Variants in MAPK10 observed in about 807,000 individuals in gnomAD.
The protein encoded by MAPK10 is mitogen-activated protein kinase 10.
Under a neutral mutation model 59.3 loss-of-function variants are expected in MAPK10, and 25 were observed. The ratio of observed to expected loss-of-function variants is 0.42; its 90% confidence interval spans 0.31 to 0.59. The LOEUF (loss-of-function observed/expected upper bound fraction) is 0.59. MAPK10 is among the 20% of genes least tolerant of loss of function. The pLI, the probability that MAPK10 is intolerant of heterozygous loss-of-function variation, is 0.15. For synonymous variants in MAPK10, 190 were observed against 200.5 expected, an observed-to-expected ratio of 0.95 and a Z score of 0.44; for missense variants, 351 against 568.9, an observed-to-expected ratio of 0.62 and a Z score of 3.90.
intron 1 of MAPK10, among the ~76,000 whole-genome samples, chr4:86,369,031 C>T (rs1738347388): frequency 6.6e-6 from 1 of 152,102 alleles, no homozygotes; most frequent in Admixed American, 6.6e-5. Context: ...CACTTCAATC[C>T]ATACACATCT....
At chr4:86,363,371 C>T (rs182550902), upstream of MAPK10, among the ~76,000 whole-genome samples, 3 of 152,100 alleles carry the variant, frequency 2.0e-5, no homozygotes, top group African/African-American at 7.2e-5. Flanking sequence ...CCTGAGAGTA[C>T]TGAGGGACAA....
intron 1 of MAPK10, among the ~76,000 whole-genome samples, chr4:86,399,212 A>C (rs888596050): frequency 4.6e-5 from 7 of 152,214 alleles, no homozygotes; most frequent in African/African-American, 1.4e-4. Context: ...ACTAATTTAC[A>C]TTCCCACCTA....
intron 2 of MAPK10, among the ~76,000 whole-genome samples, chr4:86,263,544 C>T (rs956556843): frequency 2.1e-4 from 32 of 151,460 alleles, no homozygotes; most frequent in African/African-American, 7.5e-4. Context: ...CTAACTGTCC[C>T]TCCCTTATAG....
chr4:86,088,178 T>G (rs1255063478), intron 9 of MAPK10, among the ~76,000 whole-genome samples: 1 of 152,110 alleles, frequency 6.6e-6, no homozygotes, highest in African/African-American at 2.4e-5. Flanking sequence ...TCTTTTTGTT[T>G]GTTTGTCTGT....
At chr4:86,342,850 T>C (rs564191882) in intron 2 of MAPK10, among the ~76,000 whole-genome samples, 25 of 152,326 alleles carry the variant, frequency 1.6e-4, no homozygotes, top group African/African-American at 4.1e-4. Context: ...TCCTTTTAAC[T>C]GCTCATCCTG....
chr4:86,137,001 T>C (rs2062338045), intron 4 of MAPK10, among the ~76,000 whole-genome samples: 1 of 152,068 alleles, frequency 6.6e-6, no homozygotes, highest in Non-Finnish European at 1.5e-5. Flanking sequence ...TAAATATATA[T>C]GCACCCAATA....
At chr4:86,476,711 G>A (rs934838774) in intron 1 of MAPK10, among the ~76,000 whole-genome samples, 18 of 152,068 alleles carry the variant, frequency 1.2e-4, no homozygotes, top group African/African-American at 4.1e-4. Flanking sequence ...TAGAGTAGAG[G>A]CAGCCAAGTA....
In MAPK10 at chr4:86,123,924, T is replaced by A. The variant is rs1047419709; in HGVS notation, c.237-16572A>T. On this transcript the variant is annotated intron_variant, in intron 4 of 13. Coordinates refer to ENST00000641462, the MANE Select transcript of MAPK10 (RefSeq NM_138982.4). ...TTAAGTTATGGCTACTTTATTTCAT[T>A]TTATCATATGCCTCAAACATAAAAT... 1.3e-5 allele frequency: 2 copies of A among 152,048 alleles called. 1 individual carries two copies. Among genetic ancestry groups the A allele is most frequent in the Admixed American group, 1.3e-4 (2 of 15,236 alleles). 9.4% of individuals were successfully genotyped at this position (152,048 alleles called of 1,614,324 possible).
At chr4:86,094,390 C>T (rs1176695422) in intron 9 of MAPK10, among the ~76,000 whole-genome samples, 2 of 151,884 alleles carry the variant, frequency 1.3e-5, no homozygotes, top group Non-Finnish European at 2.9e-5. Context: ...TTTAGCAGTC[C>T]AGCTGTTAGC....
At chr4:86,107,629 C>T in intron 4 of MAPK10, 1 of 1,057,386 alleles carries the variant, frequency 9.5e-7, no homozygotes, top group Non-Finnish European at 1.1e-6. Flanking sequence ...AGAAAAAGAT[C>T]TTGCCAAGAA....
At chr4:86,345,603 A>G (rs1727664516) in intron 2 of MAPK10, among the ~76,000 whole-genome samples, 1 of 152,200 alleles carries the variant, frequency 6.6e-6, no homozygotes. Context: ...ATATTAATTC[A>G]TGACATAGCT....
chr4:86,445,098 A>G (rs897815767), intron 1 of MAPK10, among the ~76,000 whole-genome samples: 1 of 152,284 alleles, frequency 6.6e-6, no homozygotes, highest in East Asian at 1.9e-4. Flanking sequence ...TAAATCATTC[A>G]GTTACAAAGA....
At chr4:86,498,581 C>A (rs983354877) in intron 1 of MAPK10, among the ~76,000 whole-genome samples, 1 of 152,106 alleles carries the variant, frequency 6.6e-6, no homozygotes, top group Non-Finnish European at 1.5e-5. Context: ...CACAAGCTCC[C>A]AAATCTACAT....
intron 3 of MAPK10, among the ~76,000 whole-genome samples, chr4:86,166,076 G>A (rs536765420): frequency 1.3e-5 from 2 of 152,258 alleles, no homozygotes; most frequent in South Asian, 2.1e-4. Flanking sequence ...CTTTACATAC[G>A]AAGGTGGGGA....
At chr4:86,171,592 A>C (rs1342584770) in intron 3 of MAPK10, among the ~76,000 whole-genome samples, 1 of 152,240 alleles carries the variant, frequency 6.6e-6, no homozygotes, top group East Asian at 1.9e-4. Context: ...TGGATTAAAG[A>C]CTTAAATGTT....
At chr4:86,104,292 TA>T (rs2056132092) in intron 5 of MAPK10, among the ~76,000 whole-genome samples, 1 of 152,162 alleles carries the variant, frequency 6.6e-6, no homozygotes, top group African/African-American at 2.4e-5. Context: ...TATTTTCTAG[TA>T]TACATATATA....
At chr4:86,300,902 A>C (rs931067894) in intron 2 of MAPK10, 1 of 151,794 alleles carries the variant, frequency 6.6e-6, no homozygotes, top group African/African-American at 2.4e-5. Context: ...TAAAAAAAAA[A>C]AAAAACAACA....
intron 2 of MAPK10, among the ~76,000 whole-genome samples, chr4:86,337,134 G>C (rs1407694838): frequency 6.6e-6 from 1 of 152,086 alleles, no homozygotes; most frequent in Non-Finnish European, 1.5e-5. Flanking sequence ...CCCACAGCTA[G>C]AACAGGACCT....
chr4:86,353,011 G>C (rs543840285), intron 2 of MAPK10, among the ~76,000 whole-genome samples: 1 of 152,258 alleles, frequency 6.6e-6, no homozygotes, highest in South Asian at 2.1e-4. Flanking sequence ...TTCTGGGTCT[G>C]TTAAAAAATG....
Sources: allele counts gnomAD v4.1 joint callset (sites outside exome capture counted in the v4.1 genomes callset), GRCh38; gene constraint gnomAD v4.1.1; transcripts MANE v1.5; gene names NCBI Gene and HGNC (gene_info 2026-07-23, HGNC 2026-07-21).